Variants in MGST2 observed in about 807,000 individuals in gnomAD.
The protein encoded by MGST2 is microsomal glutathione S-transferase 2, also known as glutathione peroxidase MGST2.
Under a neutral mutation model 16.6 loss-of-function variants are expected in MGST2, and 9 were observed. That is an observed-to-expected ratio of 0.54 (90% CI 0.33 to 0.95). The LOEUF is 0.95. Among genes scored for constraint, MGST2 ranks in the 40% least tolerant of loss-of-function variants. The probability of loss-of-function intolerance (pLI) is 0.03; values close to 1 mark genes in which losing one functional copy is unlikely to be tolerated. For missense variants in MGST2, 159 were observed against 175.1 expected (o/e 0.91, Z 0.52); for synonymous variants, 79 against 68.0 (o/e 1.16, Z -0.79).
chr4:139,697,602 A>C (rs1273532928), intron 3 of MGST2, among the ~76,000 whole-genome samples: 3 of 152,176 alleles, frequency 2.0e-5, no homozygotes, highest in African/African-American at 7.2e-5. Context: ...AGAGTCTACA[A>C]GTATGTGTTT....
At chr4:139,702,844 GT>G (rs70943436) in intron 3 of MGST2, among the ~76,000 whole-genome samples, 937 of 46,428 alleles carry the variant, frequency 0.02, 23 homozygotes, top group Middle Eastern at 0.029. Context: ...TGTGTTACTG[GT>G]TTTTTTTTTT....
intron 5 of MGST2, among the ~76,000 whole-genome samples, chr4:139,728,598 CT>C (rs1728571531): frequency 6.6e-6 from 1 of 152,188 alleles, no homozygotes; most frequent in Non-Finnish European, 1.5e-5. Context: ...TGATCCTCCC[CT>C]CATCCCTCAT....
intron 5 of MGST2, among the ~76,000 whole-genome samples, chr4:139,738,451 G>A (rs914418924): frequency 1.3e-5 from 2 of 152,198 alleles, no homozygotes; most frequent in Non-Finnish European, 2.9e-5. Flanking sequence ...GCTGAGGCAG[G>A]AGAATTGCTT....
chr4:139,725,880 G>T, intron 5 of MGST2: 1 of 1,489,162 alleles, frequency 6.7e-7, no homozygotes, highest in Non-Finnish European at 9.4e-7. Context: ...GAGATAGGGA[G>T]CAAGCACACA....
chr4:139,696,447 A>G (rs142357643), intron 3 of MGST2, among the ~76,000 whole-genome samples: 10 of 152,314 alleles, frequency 6.6e-5, no homozygotes, highest in African/African-American at 2.4e-4. Flanking sequence ...CAGATTGTCT[A>G]ATGTCAATTT....
chr4:139,705,483 T>C (rs1472900708), downstream of MGST2: 1 of 152,200 alleles, frequency 6.6e-6, no homozygotes, highest in African/African-American at 2.4e-5. Context: ...CAGTTAGCCA[T>C]CTTGGTTCCA....
At chr4:139,695,816 G>A (rs1213283238) in intron 3 of MGST2, among the ~76,000 whole-genome samples, 2 of 152,166 alleles carry the variant, frequency 1.3e-5, no homozygotes, top group African/African-American at 4.8e-5. Flanking sequence ...AACGACATGA[G>A]CTTTGTCTTC....
chr4:139,704,843 A>G (rs974364886), downstream of MGST2, among the ~76,000 whole-genome samples: 3 of 152,080 alleles, frequency 2.0e-5, no homozygotes, highest in African/African-American at 7.2e-5. Context: ...AATGGTGTGA[A>G]CCTGGGAGGC....
intron 2 of MGST2, among the ~76,000 whole-genome samples, chr4:139,685,890 C>A (rs1008610774): frequency 5.9e-5 from 9 of 152,180 alleles, no homozygotes; most frequent in Non-Finnish European, 1.3e-4. Flanking sequence ...TCTCAAAGTC[C>A]TGACCTCAAG....
At chr4:139,695,146 C>A in intron 2 of MGST2, 51 bp from the exon 3 acceptor site, 1 of 1,277,438 alleles carries the variant, frequency 7.8e-7, no homozygotes, top group Non-Finnish European at 1.1e-6. Context: ...ATCAATGCTT[C>A]AGTGTATACT....
At chr4:139,734,042 G>A (rs1560774969) in intron 5 of MGST2, among the ~76,000 whole-genome samples, 1 of 152,144 alleles carries the variant, frequency 6.6e-6, no homozygotes. Flanking sequence ...TCTTTAGTTC[G>A]CAACAAAGCT....
chr4:139,713,473 C>CAA (rs1217817783), intron 5 of MGST2, among the ~76,000 whole-genome samples: 112 of 4,136 alleles, frequency 0.027, 19 homozygotes, highest in African/African-American at 0.054. Flanking sequence ...AGTGGCAAGA[C>CAA]AGAAAAAAAA....
intron 5 of MGST2, among the ~76,000 whole-genome samples, chr4:139,711,413 G>A (rs1329137894): frequency 2.6e-5 from 4 of 152,140 alleles, no homozygotes; most frequent in East Asian, 3.9e-4. Flanking sequence ...GAGCAGCCCC[G>A]AGGGCTGCTG....
At chr4:139,698,313 G>A (rs1402250404) in intron 3 of MGST2, 1 of 1,485,836 alleles carries the variant, frequency 6.7e-7, no homozygotes, top group Non-Finnish European at 9.4e-7. Flanking sequence ...GCGCAGATCT[G>A]TTTTAAAGTC....
At chr4:139,699,988 T>C (rs920068212) in intron 3 of MGST2, among the ~76,000 whole-genome samples, 1 of 152,050 alleles carries the variant, frequency 6.6e-6, no homozygotes, top group African/African-American at 2.4e-5. Context: ...ATCATGACAG[T>C]GCCACTGCAC....
At chr4:139,753,290 C>T in the MGST2 span, among the ~76,000 whole-genome samples, 1 of 152,166 alleles carries the variant, frequency 6.6e-6, no homozygotes, top group Non-Finnish European at 1.5e-5. Context: ...TAAACAGAAA[C>T]TCTGTACCCA....
intron 5 of MGST2, chr4:139,716,613 T>G (rs1363746390): frequency 1.3e-5 from 2 of 152,582 alleles, no homozygotes; most frequent in East Asian, 3.9e-4. Context: ...ATGATTGATC[T>G]CTCCCATTAA....
rs558568081 is a variant in MGST2, at chr4:139,736,167, A to T, written c.*49-4045A>T. 2.6e-4 allele frequency among the ~76,000 whole-genome samples: 39 copies of T among 152,188 alleles called. No homozygotes were observed. The East Asian group carries it at 5.8e-3, about 23-fold the overall frequency. On this transcript the variant is annotated intron_variant, in intron 5 of 5. Coordinates refer to the MGST2 transcript ENST00000616265. ...TCTGAATTGGGTCAAGTAAAAAAAA[A>T]TTTTTTTTAAAGGAAGGAATCTTTA...
At chr4:139,701,391 T>A (rs943331921) in intron 3 of MGST2, among the ~76,000 whole-genome samples, 1 of 152,152 alleles carries the variant, frequency 6.6e-6, no homozygotes, top group African/African-American at 2.4e-5. Flanking sequence ...CAGCTCTTCC[T>A]TCCCAGCTCT....
Sources: allele counts gnomAD v4.1 joint callset (sites outside exome capture counted in the v4.1 genomes callset), GRCh38; gene constraint gnomAD v4.1.1; transcripts MANE v1.5; gene names NCBI Gene and HGNC (gene_info 2026-07-23, HGNC 2026-07-21).